RAD51B: variants seen among roughly 807,000 people sequenced by gnomAD.
RAD51B encodes RAD51 paralog B, also known as DNA repair protein RAD51 homolog 2.
In RAD51B, 38 loss-of-function variants were observed where a neutral mutation model predicts 42.2. The observed-to-expected ratio is 0.90, with a 90% confidence interval of 0.70 to 1.18. RAD51B has a LOEUF of 1.18. Ranked by LOEUF, RAD51B falls within the 50% of genes most tolerant of loss-of-function variation. RAD51B has a pLI of 0.00. For synonymous variants in RAD51B, 154 were observed against 145.2 expected (o/e 1.06, Z -0.43); for missense variants, 373 against 400.7 (o/e 0.93, Z 0.59).
chr14:68,127,933 C>A (rs1189403759), intron 7 of RAD51B, among the ~76,000 whole-genome samples: 1 of 152,082 alleles, frequency 6.6e-6, no homozygotes, highest in Non-Finnish European at 1.5e-5. Flanking sequence ...AGGTGCTATA[C>A]CTTCTATGCT....
intron 8 of RAD51B, among the ~76,000 whole-genome samples, chr14:68,298,497 G>A (rs1046794269): frequency 6.6e-6 from 1 of 152,230 alleles, no homozygotes; most frequent in African/African-American, 2.4e-5. Flanking sequence ...AGTCCTTGAG[G>A]TAGTTTGTGT....
chr14:68,469,004 C>T, intron 10 of RAD51B: 5 of 398,822 alleles, frequency 1.3e-5, no homozygotes, highest in Admixed American at 1.1e-4. Context: ...GAAGAGTCAG[C>T]CCACAATGTC....
chr14:68,572,066 C>T (rs1055730344), intron 10 of RAD51B, among the ~76,000 whole-genome samples: 3 of 152,228 alleles, frequency 2.0e-5, no homozygotes, highest in African/African-American at 4.8e-5. Context: ...CCCACAGACC[C>T]CAGTGTGTGG....
chr14:68,260,060 G>A (rs1028699970), intron 7 of RAD51B, among the ~76,000 whole-genome samples: 1 of 151,862 alleles, frequency 6.6e-6, no homozygotes, highest in Non-Finnish European at 1.5e-5. Flanking sequence ...TAAAACTAAG[G>A]AAAGTGATAA....
In RAD51B at chr14:68,218,384, T is replaced by G. The variant is rs1374338409; in HGVS notation, c.757-73500T>G. Among the ~76,000 whole-genome samples the G allele has an allele frequency of 7.9e-5, 12 of 152,340 alleles. No homozygotes were observed. In the South Asian group the frequency reaches 2.1e-3, roughly 26 times the overall value. The stretch of plus-strand genomic sequence containing the variant: ...GCTTCAGCAAGGCCAGATGCCTACT[T>G]TTTGTAAATATCATTGGCAGTTGGC... On this transcript the variant is annotated intron_variant, in intron 7 of 10. Transcript: ENST00000471583.
At position 68,236,738 on chromosome 14, in the gene RAD51B, C is replaced by A. The variant is rs112865029; in HGVS notation, c.757-55146C>A. Among the ~76,000 whole-genome samples the A allele has an allele frequency of 1.4e-3, 209 of 152,310 alleles. 1 individual carries two copies. The highest frequency in any genetic ancestry group is 5.1e-3 in the Admixed American group (78 of 15,304). ...TAGTAAAACACTGACCCCTTCTAGG[C>A]CATTATCTTTGTGTCTATTTGGGGA... On this transcript the variant is annotated intron_variant, in intron 7 of 10. Transcript: ENST00000471583.
At chr14:68,387,412 G>A (rs1452888100) in intron 8 of RAD51B, among the ~76,000 whole-genome samples, 1 of 152,150 alleles carries the variant, frequency 6.6e-6, no homozygotes, top group Non-Finnish European at 1.5e-5. Flanking sequence ...ACAGCAAGTG[G>A]CATAAAAACC....
intron 10 of RAD51B, among the ~76,000 whole-genome samples, chr14:68,630,238 TC>T (rs1157017001): frequency 1.3e-5 from 2 of 152,140 alleles, no homozygotes; most frequent in African/African-American, 4.8e-5. Flanking sequence ...GGCAGAGAAA[TC>T]CTGGGTGTTT....
chr14:67,832,681 A>G (rs1372979776), intron 3 of RAD51B, among the ~76,000 whole-genome samples: 2 of 152,182 alleles, frequency 1.3e-5, no homozygotes, highest in Non-Finnish European at 2.9e-5. Context: ...GATGTTCATT[A>G]GCTTCCTGTC....
intron 9 of RAD51B, among the ~76,000 whole-genome samples, chr14:68,435,259 A>G (rs2085117305): frequency 6.6e-6 from 1 of 152,144 alleles, no homozygotes; most frequent in African/African-American, 2.4e-5. Flanking sequence ...GCTCCCACTT[A>G]TAAGTGAGAA....
intron 9 of RAD51B, 84 bp downstream of exon 9, chr14:68,411,611 G>A (rs1359244233): frequency 2.3e-6 from 3 of 1,305,440 alleles, no homozygotes; most frequent in Non-Finnish European, 3.3e-6. Flanking sequence ...TGAAAATGCT[G>A]GCCGCATTGT....
intron 7 of RAD51B, among the ~76,000 whole-genome samples, chr14:68,093,180 G>A (rs983575134): frequency 6.6e-6 from 1 of 151,480 alleles, no homozygotes; most frequent in Admixed American, 6.6e-5. Flanking sequence ...TTGTGTCTCT[G>A]CTAGGCTTTG....
chr14:68,415,660 G>A (rs1166557889), intron 9 of RAD51B, among the ~76,000 whole-genome samples: 2 of 152,206 alleles, frequency 1.3e-5, no homozygotes, highest in Admixed American at 1.3e-4. Flanking sequence ...AGGCAGAGAG[G>A]AGTGGCCGAG....
At chr14:68,078,404 C>G (rs1254237500) in intron 7 of RAD51B, among the ~76,000 whole-genome samples, 1 of 152,130 alleles carries the variant, frequency 6.6e-6, no homozygotes, top group African/African-American at 2.4e-5. Context: ...ACATTCAGCT[C>G]TTGTCCTTTC....
At chr14:68,667,861 G>A (rs753351701) in intron 11 of RAD51B, among the ~76,000 whole-genome samples, 7 of 152,268 alleles carry the variant, frequency 4.6e-5, no homozygotes, top group Middle Eastern at 6.8e-3. Flanking sequence ...ACCCTGCCCC[G>A]TGGATCCCCA....
intron 7 of RAD51B, among the ~76,000 whole-genome samples, chr14:68,281,081 A>G (rs1426885586): frequency 6.6e-6 from 1 of 152,012 alleles, no homozygotes; most frequent in East Asian, 1.9e-4. Flanking sequence ...AAAAAAATAG[A>G]AGAAAAAGAA....
chr14:68,269,895 G>A (rs1008110369), intron 7 of RAD51B, among the ~76,000 whole-genome samples: 3 of 152,152 alleles, frequency 2.0e-5, no homozygotes, highest in African/African-American at 7.2e-5. Flanking sequence ...GTCCAGTAGT[G>A]GAACACAGGC....
At chr14:68,672,710 A>G (rs1893183269) in intron 11 of RAD51B, among the ~76,000 whole-genome samples, 1 of 152,222 alleles carries the variant, frequency 6.6e-6, no homozygotes, top group Non-Finnish European at 1.5e-5. Flanking sequence ...GCAAACAGCT[A>G]CACAAGCATC....
chr14:67,848,162 C>T (rs1286928691), intron 4 of RAD51B, among the ~76,000 whole-genome samples: 1 of 152,120 alleles, frequency 6.6e-6, no homozygotes, highest in Non-Finnish European at 1.5e-5. Context: ...GGATTACAGG[C>T]ACGTGCCACC....
Sources: allele counts gnomAD v4.1 joint callset (sites outside exome capture counted in the v4.1 genomes callset), GRCh38; gene constraint gnomAD v4.1.1; transcripts MANE v1.5; gene names NCBI Gene and HGNC (gene_info 2026-07-23, HGNC 2026-07-21).